The following CEP290 variants were observed in gnomAD, a reference collection of about 807,000 sequenced individuals.
CEP290 encodes the protein centrosomal protein 290.
CEP290 carries 317 observed loss-of-function variants against 344.9 expected under a neutral mutation model. The observed-to-expected ratio is 0.92, with a 90% CI of 0.84 to 1.01. The LOEUF (loss-of-function observed/expected upper bound fraction) is 1.01, where lower values mean the gene tolerates loss of function less well. Among genes scored for constraint, CEP290 ranks in the 50% least tolerant of loss-of-function variants. CEP290 has a pLI of 0.00. For synonymous variants in CEP290, 932 were observed against 895.8 expected (o/e 1.04, Z -0.72); for missense variants, 2,754 against 2,761.4 (o/e 1.00, Z 0.06).
At chr12:88,089,805 C>T (rs904142161) in intron 30 of CEP290, among the ~76,000 whole-genome samples, 1 of 150,270 alleles carries the variant, frequency 6.7e-6, no homozygotes, top group African/African-American at 2.5e-5. Context: ...TGGCTCACTG[C>T]AACCTCCACC....
Position 88,111,790 on chromosome 12 carries a change from C to G in CEP290, c.2121G>C (p.Gln707His). 6.2e-7 allele frequency: 1 copy of G among 1,607,712 alleles called. No individual in the cohort carries two copies. Among genetic ancestry groups the G allele is most frequent in the Non-Finnish European group, 8.5e-7 (1 of 1,177,320 alleles). ...ASLHLKAQVD[Q>H]LTGRNEELRQ... ...TTAATTCTTCATTTCTTCCGGTAAGCTGATCAACTTGGGCTTTCAAATGCA... is the reference window on the plus strand; with the variant it reads ...TTAATTCTTCATTTCTTCCGGTAAGGTGATCAACTTGGGCTTTCAAATGCA... The change falls in exon 21 of 54, where the codon CAG (glutamine) becomes CAC (histidine). Residue 707 changes from glutamine (Q) to histidine (H), a missense_variant. Physicochemically the swap from Gln to His is conservative, Grantham distance 24. Coordinates refer to ENST00000552810, the MANE Select transcript of CEP290 (RefSeq NM_025114.4).
In CEP290 at chr12:88,083,919, G is replaced by A; in HGVS notation, c.4740C>T (p.Asp1580=). 2 of 1,596,498 alleles carry A rather than the reference G, an allele frequency of 1.3e-6. No homozygotes were observed. Among genetic ancestry groups the A allele is most frequent in the Non-Finnish European group, 1.7e-6 (2 of 1,170,648 alleles). The change falls in exon 36 of 54, where the codon GAC becomes GAT. Residue 1580 remains aspartate (D), a synonymous_variant. Transcript: ENST00000552810. ...CTAATCTGTGATGAAGAATATGAAG[G>A]TCTTCCTCATGTTTCTTCACAATTT... The part of the protein sequence containing the change: ...QREIVKKHEE[D]LHILHHRLEL...
At chr12:88,127,953 T>C (rs2039833679) in intron 11 of CEP290, among the ~76,000 whole-genome samples, 1 of 152,140 alleles carries the variant, frequency 6.6e-6, no homozygotes, top group African/African-American at 2.4e-5. Flanking sequence ...AGAATACATA[T>C]AACATGTCAC....
At chr12:88,140,020 T>C (rs1021381127) in intron 3 of CEP290, among the ~76,000 whole-genome samples, 3 of 152,200 alleles carry the variant, frequency 2.0e-5, no homozygotes, top group Non-Finnish European at 4.4e-5. Flanking sequence ...CCTCCCAAAG[T>C]GCTGGGATTA....
chr12:88,107,148 T>C (rs1300205877), intron 23 of CEP290, 50 bp from the exon 24 acceptor site: 1 of 1,154,796 alleles, frequency 8.7e-7, no homozygotes, highest in Admixed American at 3.1e-5. Flanking sequence ...TAATAAAATG[T>C]TTATAAGAAA....
At position 88,141,337 on chromosome 12, in the gene CEP290, G is replaced by A; in HGVS notation, c.-27-3C>T. Reference sequence around the variant, plus strand: ...AATTCTTTCACTGTGCTCCACCTCTGTAACAAAACAGGTGTATATTAGCAT... The same window carrying A: ...AATTCTTTCACTGTGCTCCACCTCTATAACAAAACAGGTGTATATTAGCAT... On this transcript the variant is annotated splice_polypyrimidine_tract_variant and splice_region_variant and intron_variant, in intron 1 of 53. Coordinates refer to ENST00000552810, the MANE Select transcript of CEP290 (RefSeq NM_025114.4). The A allele has an allele frequency of 6.9e-7, 1 of 1,444,190 alleles. No individual in the cohort carries two copies. Among genetic ancestry groups the A allele is most frequent in the South Asian group, 1.2e-5 (1 of 81,910 alleles). 89.5% of individuals were successfully genotyped at this position (1,444,190 alleles called of 1,614,324 possible).
At position 88,069,978 on chromosome 12, in the gene CEP290, G is replaced by GTT. The variant is rs202156505; in HGVS notation, c.6011+1314_6011+1315dup. On this transcript the variant is annotated intron_variant, in intron 43 of 53. Coordinates refer to ENST00000552810, the MANE Select transcript of CEP290 (RefSeq NM_025114.4). ...AATGAGCGAAACAGAAGATTAAATA[G>GTT]TTTTAGCTGTTGTCAGAATAAAATT... Among the ~76,000 whole-genome samples the GTT allele has an allele frequency of 7.5e-3, 1,145 of 152,232 alleles. 20 individuals are homozygous for GTT. Among genetic ancestry groups the GTT allele is most frequent in the African/African-American group, 0.026 (1,100 of 41,554 alleles).
intron 31 of CEP290, 30 bp downstream of exon 31, chr12:88,089,002 T>TA (rs760474569): frequency 0.011 from 12,316 of 1,157,336 alleles, no homozygotes; most frequent in South Asian, 0.015. Flanking sequence ...TACTGTCTCT[T>TA]AAAAAAAAAA....
Position 88,114,346 on chromosome 12 carries a change from T to C in CEP290, c.2052+74A>G, listed in dbSNP as rs2038907924. On this transcript the variant is annotated intron_variant, in intron 20 of 53. Coordinates refer to ENST00000552810, the MANE Select transcript of CEP290 (RefSeq NM_025114.4). ...ACTAAAAATATCTCATCAGAAACTA[T>C]GGAGATCTGTACACAGCAGAAAATC... is the stretch of plus-strand genomic sequence containing the variant. The C allele has an allele frequency of 7.0e-6, 8 of 1,148,732 alleles. No homozygotes were observed. In the Admixed American group the frequency reaches 1.3e-4, roughly 19 times the overall value. The allele number at this position is 1,148,732 out of a possible 1,614,324, so 71.2% of individuals were successfully genotyped here. A position where few individuals can be genotyped will look rare whatever the true frequency, so the allele number is the denominator to read the frequency against.
intron 27 of CEP290, among the ~76,000 whole-genome samples, chr12:88,096,453 AT>A (rs1178507059): frequency 6.6e-6 from 1 of 152,152 alleles, no homozygotes; most frequent in Admixed American, 6.6e-5. Context: ...ATATACAGTA[AT>A]ATAGTAGTAA....
chr12:88,062,607 AG>A (rs1173734840), intron 46 of CEP290, 84 bp downstream of exon 46: 1 of 812,816 alleles, frequency 1.2e-6, no homozygotes, highest in African/African-American at 1.7e-5. Flanking sequence ...GAGGCATATC[AG>A]TACTTTTACA....
Position 88,049,108 on chromosome 12 carries a change from G to C in CEP290, c.*76C>G. 1 of 813,402 alleles carries C rather than the reference G, an allele frequency of 1.2e-6. No individual in the cohort carries two copies. The highest frequency in any genetic ancestry group is 2.0e-6 in the Non-Finnish European group (1 of 511,478). 50.4% of individuals were successfully genotyped at this position (813,402 alleles called of 1,614,324 possible). ...TGAGAAGGAAATACTACAGTTCGGA[G>C]AACTGCTTATTTCCAAGTATATTTA... On this transcript the variant is annotated 3_prime_UTR_variant, in exon 54 of 54. Transcript: ENST00000552810.
Position 88,059,687 on chromosome 12 carries a change from G to A in CEP290, c.6645+211C>T, listed in dbSNP as rs142591645. On this transcript the variant is annotated intron_variant, in intron 48 of 53. Transcript: ENST00000552810. ...CTCCCAAAGTGCTGGGATTACAGGC[G>A]TGAGCCACCGTGCCCAGCCTAAATG... 7.5e-3 allele frequency among the ~76,000 whole-genome samples: 1,138 copies of A among 152,250 alleles called. 19 individuals are homozygous for A. Among genetic ancestry groups the A allele is most frequent in the African/African-American group, 0.026 (1,092 of 41,540 alleles).
chr12:88,120,529 A>C (rs2039338594), intron 14 of CEP290, among the ~76,000 whole-genome samples: 1 of 152,138 alleles, frequency 6.6e-6, no homozygotes, highest in Non-Finnish European at 1.5e-5. Context: ...ACATATAAAA[A>C]ACACTTACCA....
At position 88,077,334 on chromosome 12, in the gene CEP290, AG is replaced by A; in HGVS notation, c.5596del (p.Leu1866Ter). Reference protein sequence around the residue: ...RLTSGLQGKPLTDNKQSLIEE... With the variant: ...RLTSGLQGKPXTDNKQSLIEE... ...AATTAGACTTTGTTTATTATCTGTC[AG>A]GGGTTTGCCCTAAAAAATAAAATGT... is the stretch of plus-strand genomic sequence containing the variant. On this transcript the variant is annotated frameshift_variant, in exon 41 of 54. Coordinates refer to ENST00000552810, the MANE Select transcript of CEP290 (RefSeq NM_025114.4). LOFTEE classifies it high-confidence loss of function. 1 of 1,542,426 alleles carries A rather than the reference AG, an allele frequency of 6.5e-7. No individual in the cohort carries two copies. Among genetic ancestry groups the A allele is most frequent in the Non-Finnish European group, 8.8e-7 (1 of 1,141,924 alleles).
At chr12:88,060,330 T>A (rs1159440758) in intron 47 of CEP290, among the ~76,000 whole-genome samples, 1 of 152,128 alleles carries the variant, frequency 6.6e-6, no homozygotes, top group Non-Finnish European at 1.5e-5. Flanking sequence ...GAGGCCGCAG[T>A]GGGCGGATCA....
chr12:88,121,472 T>C (rs898069710), intron 13 of CEP290, among the ~76,000 whole-genome samples: 3 of 152,156 alleles, frequency 2.0e-5, no homozygotes, highest in Non-Finnish European at 4.4e-5. Context: ...ACCTCCCTTT[T>C]GTCCACTGTA....
chr12:88,124,626 C>T (rs112382867), intron 13 of CEP290, among the ~76,000 whole-genome samples: 26 of 151,894 alleles, frequency 1.7e-4, no homozygotes, highest in South Asian at 6.2e-4. Context: ...TGATTCCATG[C>T]GCGTGTGTAT....
chr12:88,056,407 C>A (rs1449563705), intron 49 of CEP290, among the ~76,000 whole-genome samples: 1 of 152,002 alleles, frequency 6.6e-6, no homozygotes, highest in Non-Finnish European at 1.5e-5. Context: ...GTTAAAATGG[C>A]CAGTATAGCT....
Sources: gnomAD v4.1 joint callset for allele counts (sites outside exome capture counted in the v4.1 genomes callset) on GRCh38, gnomAD v4.1.1 for gene constraint, MANE v1.5 for transcripts, NCBI Gene and HGNC (gene_info 2026-07-23, HGNC 2026-07-21) for gene names.